Variants in APPBP2 observed in about 807,000 individuals in gnomAD.
APPBP2 encodes the protein amyloid beta precursor protein binding protein 2.
APPBP2 carries 15 observed loss-of-function variants against 76.0 expected under a neutral mutation model. The observed-to-expected ratio is 0.20, with a 90% CI of 0.13 to 0.30. The LOEUF (loss-of-function observed/expected upper bound fraction) is 0.30, where lower values mean the gene tolerates loss of function less well. Ranked by LOEUF, APPBP2 falls within the 10% of genes least tolerant of loss-of-function variation. The pLI is 1.00. For missense variants in APPBP2, 401 were observed against 687.2 expected, an observed-to-expected ratio of 0.58 and a Z score of 4.66; for synonymous variants, 222 against 242.2, an observed-to-expected ratio of 0.92 and a Z score of 0.77.
chr17:60,462,896 A>C (rs2090485985), intron 6 of APPBP2, among the ~76,000 whole-genome samples: 1 of 147,820 alleles, frequency 6.8e-6, no homozygotes, highest in African/African-American at 2.6e-5. Context: ...GCCTGCAGTG[A>C]CCCGAGATCG....
chr17:60,523,606 A>G (rs1440013485), intron 1 of APPBP2, among the ~76,000 whole-genome samples: 1 of 152,182 alleles, frequency 6.6e-6, no homozygotes, highest in Non-Finnish European at 1.5e-5. Context: ...AGGCAGGAGG[A>G]TAGCTTGAGC....
chr17:60,455,518 A>G (rs2090424714), intron 10 of APPBP2, among the ~76,000 whole-genome samples: 1 of 152,232 alleles, frequency 6.6e-6, no homozygotes, highest in African/African-American at 2.4e-5. Flanking sequence ...TACGTGAAAA[A>G]GCCTTGGTGG....
chr17:60,485,057 A>G (rs1194474814), intron 3 of APPBP2, among the ~76,000 whole-genome samples: 1 of 151,806 alleles, frequency 6.6e-6, no homozygotes, highest in South Asian at 2.1e-4. Flanking sequence ...GGATGAAGCC[A>G]ACTTGATCTT....
At chr17:60,469,053 C>T (rs1412581395) in intron 4 of APPBP2, among the ~76,000 whole-genome samples, 3 of 152,072 alleles carry the variant, frequency 2.0e-5, no homozygotes, top group Non-Finnish European at 2.9e-5. Flanking sequence ...TTGTAAGTGT[C>T]TTTTTCTTAG....
rs926907067 is a variant in APPBP2, at chr17:60,443,501, T to C, written c.*4080A>G. ...AAATCCCCTGTTGCTTAATAAAGTA[T>C]AAAAATAGTACTGACCTGGTAATAT... On this transcript the variant is annotated 3_prime_UTR_variant, in exon 13 of 13. Coordinates refer to ENST00000083182, the MANE Select transcript of APPBP2 (RefSeq NM_006380.5). 3 of 152,640 alleles carry C rather than the reference T, an allele frequency of 2.0e-5. No individual in the cohort carries two copies. Among genetic ancestry groups the C allele is most frequent in the Non-Finnish European group, 4.4e-5 (3 of 68,044 alleles). The allele number at this position is 152,640 out of a possible 1,614,324, so 9.5% of individuals were successfully genotyped here. A position where few individuals can be genotyped will look rare whatever the true frequency, so the allele number is the denominator to read the frequency against.
chr17:60,479,422 AT>A, intron 3 of APPBP2, 151 bp from the exon 4 acceptor site: 1 of 808,742 alleles, frequency 1.2e-6, no homozygotes, highest in Non-Finnish European at 1.8e-6. Context: ...GAACTGTGAG[AT>A]TTTTATATAA....
intron 11 of APPBP2, 47 bp from the exon 12 acceptor site, chr17:60,452,092 T>G: frequency 6.3e-7 from 1 of 1,581,564 alleles, no homozygotes; most frequent in Non-Finnish European, 8.6e-7. Context: ...TTTCTCATCT[T>G]AACAGTTCTT....
chr17:60,517,636 C>T (rs558947229), intron 1 of APPBP2, among the ~76,000 whole-genome samples: 9 of 152,296 alleles, frequency 5.9e-5, no homozygotes, highest in Non-Finnish European at 1.3e-4. Flanking sequence ...ATTTGACTTT[C>T]CTTTCCCTAT....
intron 4 of APPBP2, among the ~76,000 whole-genome samples, chr17:60,469,579 C>G (rs1339632656): frequency 6.6e-6 from 1 of 152,140 alleles, no homozygotes; most frequent in Non-Finnish European, 1.5e-5. Flanking sequence ...AACCTTTAAT[C>G]TACTTTCTGT....
chr17:60,486,580 C>G (rs907768496), intron 3 of APPBP2, among the ~76,000 whole-genome samples: 5 of 152,052 alleles, frequency 3.3e-5, no homozygotes, highest in Non-Finnish European at 7.4e-5. Context: ...TTTGAGCCTA[C>G]GTGTGTCTCT....
At chr17:60,523,497 C>CA (rs953000950) in intron 1 of APPBP2, among the ~76,000 whole-genome samples, 33 of 151,628 alleles carry the variant, frequency 2.2e-4, no homozygotes, top group Non-Finnish European at 2.4e-4. Flanking sequence ...CCTGTCTCCA[C>CA]AAAAAAAGTT....
chr17:60,513,078 G>A, intron 1 of APPBP2: 1 of 205,296 alleles, frequency 4.9e-6, no homozygotes, highest in Non-Finnish European at 9.7e-6. Flanking sequence ...GTACTTGGGT[G>A]TTGATGTCCC....
chr17:60,526,062 G>A lies in APPBP2; in HGVS notation c.-131C>T. On this transcript the variant is annotated 5_prime_UTR_variant, in exon 1 of 13. Transcript: ENST00000083182. The stretch of plus-strand genomic sequence containing the variant: ...GCAGCCACGCGGGCGCACGGCAGAA[G>A]GCACGGCCGCCCTGCCTCCTCCGGG... 2.3e-6 allele frequency: 2 copies of A among 881,088 alleles called. No individual in the cohort carries two copies. Among genetic ancestry groups the A allele is most frequent in the South Asian group, 1.8e-5 (1 of 57,036 alleles). 54.6% of individuals were successfully genotyped at this position (881,088 alleles called of 1,614,324 possible). A position where few individuals can be genotyped will look rare whatever the true frequency, so the allele number is the denominator to read the frequency against.
At chr17:60,504,388 T>C (rs1014409948) in intron 1 of APPBP2, among the ~76,000 whole-genome samples, 2 of 151,942 alleles carry the variant, frequency 1.3e-5, no homozygotes, top group Admixed American at 6.6e-5. Flanking sequence ...TATATAAATA[T>C]CAACGTATGA....
At chr17:60,457,899 T>G (rs73326433) in intron 9 of APPBP2, among the ~76,000 whole-genome samples, 143 of 152,330 alleles carry the variant, frequency 9.4e-4, no homozygotes, top group African/African-American at 3.1e-3. Context: ...CAAAATCAAT[T>G]TTACAACATT....
intron 1 of APPBP2, among the ~76,000 whole-genome samples, chr17:60,506,399 T>C (rs930238371): frequency 1.3e-5 from 2 of 152,216 alleles, no homozygotes; most frequent in Non-Finnish European, 2.9e-5. Flanking sequence ...TTTGCACACA[T>C]ATGCTACTAC....
chr17:60,515,623 A>C (rs1056088357), intron 1 of APPBP2, among the ~76,000 whole-genome samples: 2 of 151,960 alleles, frequency 1.3e-5, no homozygotes, highest in African/African-American at 4.8e-5. Flanking sequence ...TTCAACAACT[A>C]AATTTTGCCT....
intron 3 of APPBP2, among the ~76,000 whole-genome samples, chr17:60,492,848 G>A (rs1173761607): frequency 7.9e-5 from 12 of 152,292 alleles, no homozygotes; most frequent in South Asian, 2.1e-4. Flanking sequence ...GGACTGTTGC[G>A]AAGGCATGAT....
At chr17:60,496,618 A>T (rs1567935135) in intron 2 of APPBP2, among the ~76,000 whole-genome samples, 1 of 152,106 alleles carries the variant, frequency 6.6e-6, no homozygotes, top group Non-Finnish European at 1.5e-5. Context: ...ATTTTTTTTT[A>T]CAGCCTAACT....
Sources: allele counts gnomAD v4.1 joint callset (sites outside exome capture counted in the v4.1 genomes callset), GRCh38; gene constraint gnomAD v4.1.1; transcripts MANE v1.5; gene names NCBI Gene and HGNC (gene_info 2026-07-23, HGNC 2026-07-21).